Variants in TKFC observed in about 807,000 individuals in gnomAD.
TKFC encodes triokinase and FMN cyclase.
In TKFC, 46 loss-of-function variants were observed where a neutral mutation model predicts 61.0. The ratio of observed to expected loss-of-function variants is 0.75; its 90% CI spans 0.60 to 0.96. The LOEUF is 0.96. Among genes scored for constraint, TKFC ranks in the 50% least tolerant of loss-of-function variants. The pLI is 0.00. For synonymous variants in TKFC, 314 were observed against 330.1 expected (o/e 0.95, Z 0.53); for missense variants, 715 against 777.5 (o/e 0.92, Z 0.96).
chr11:61,341,546 G>A, intron 6 of TKFC, 32 bp downstream of exon 6: 7 of 1,552,086 alleles, frequency 4.5e-6, no homozygotes, highest in Non-Finnish European at 6.1e-6. Flanking sequence ...GGGGAAGAGA[G>A]TGGGGAAGGT....
downstream of TKFC, chr11:61,352,761 T>G (rs1295593666): frequency 1.5e-6 from 2 of 1,378,832 alleles, no homozygotes; most frequent in African/African-American, 2.9e-5. Context: ...TAGTACTGTT[T>G]CTGACACACA....
chr11:61,339,276 G>A lies in TKFC; in HGVS notation c.327G>A (p.Lys109=). Residue 109 remains lysine (K), a synonymous_variant, in exon 5 of 18, where the codon AAG becomes AAA. Transcript: ENST00000394900. ...AGTVGTLLIV[K]NYTGDRLNFG... ...CAGTGGGGACGCTCCTTATCGTGAA[G>A]AACTACACTGGGGATCGGCTCAACT... The A allele has an allele frequency of 6.2e-7, 1 of 1,613,728 alleles. No homozygotes were observed. The highest frequency in any genetic ancestry group is 8.5e-7 in the Non-Finnish European group (1 of 1,179,908).
chr11:61,352,693 ACAATACCAAT>A (rs1003141719), downstream of TKFC: 71 of 772,114 alleles, frequency 9.2e-5, no homozygotes, highest in African/African-American at 1.2e-3. Flanking sequence ...GGCAATGACA[ACAATACCAAT>A]CAATACCAAT....
chr11:61,347,359 T>C lies in TKFC; in HGVS notation c.*856T>C. 1.1e-6 allele frequency: 1 copy of C among 893,846 alleles called. No homozygotes were observed. The highest frequency in any genetic ancestry group is 1.3e-6 in the Non-Finnish European group (1 of 746,610). The allele number at this position is 893,846 out of a possible 1,614,324, so 55.4% of individuals were successfully genotyped here. A position where few individuals can be genotyped will look rare whatever the true frequency, so the allele number is the denominator to read the frequency against. On this transcript the variant is annotated 3_prime_UTR_variant, in exon 18 of 18. Coordinates refer to ENST00000394900, the MANE Select transcript of TKFC (RefSeq NM_015533.4). The stretch of plus-strand genomic sequence containing the variant: ...GAGTTCAAGACCAGTCTGGGCAACA[T>C]GGTAAAACCCTGTCTCTACCAAAAA...
At chr11:61,352,954 A>C (rs1209105043), downstream of TKFC, 3 of 1,613,856 alleles carry the variant, frequency 1.9e-6, no homozygotes, top group Non-Finnish European at 2.5e-6. Context: ...CCTCCTCTTC[A>C]CCTTAGAGTT....
chr11:61,349,281 A>T (rs1857285941), downstream of TKFC: 2 of 445,446 alleles, frequency 4.5e-6, no homozygotes, highest in Non-Finnish European at 8.4e-6. Flanking sequence ...GGGCCAGGTG[A>T]AGCAATGTGG....
Position 61,346,690 on chromosome 11 carries a change from G to C in TKFC, c.*187G>C. 7.1e-7 allele frequency: 1 copy of C among 1,399,878 alleles called. No homozygotes were observed. The highest frequency in any genetic ancestry group is 9.3e-7 in the Non-Finnish European group (1 of 1,079,050). The allele number at this position is 1,399,878 out of a possible 1,614,324, so 86.7% of individuals were successfully genotyped here. A position where few individuals can be genotyped will look rare whatever the true frequency, so the allele number is the denominator to read the frequency against. ...CAGACAGCACCCAGAGTGAGCTGGA[G>C]TGGGTCCCCATGCCTCTCCAGCATG... On this transcript the variant is annotated 3_prime_UTR_variant, in exon 18 of 18. Transcript: ENST00000394900. The surrounding 1 kb of genome is among the most constrained non-coding windows in gnomAD (Gnocchi z 4.1).
In TKFC at chr11:61,342,465, C is replaced by A. The variant is rs1249026439; in HGVS notation, c.660C>A (p.Ile220=). 1.1e-5 allele frequency: 17 copies of A among 1,614,066 alleles called. No homozygotes were observed. In the East Asian group the frequency reaches 3.8e-4, roughly 36 times the overall value. The change falls in exon 8 of 18, where the codon ATC becomes ATA. Residue 220 remains isoleucine, a synonymous_variant. Coordinates refer to ENST00000394900, the MANE Select transcript of TKFC (RefSeq NM_015533.4). ...SADEVELGLG[I]HGEAGVRRIK... is the part of the protein sequence containing the mutation. ...AGTGACCACATCTATCCGCAGGGAT[C>A]CACGGGGAAGCTGGTGTGCGCCGGA...
downstream of TKFC, chr11:61,352,982 C>A (rs201650207): frequency 6.2e-7 from 1 of 1,614,116 alleles, no homozygotes; most frequent in Admixed American, 1.7e-5. Flanking sequence ...CCACTGCACT[C>A]ACAAACTGAA....
rs760074237 is a variant in TKFC, at chr11:61,333,233, C to T, written c.-206C>T. 7.4e-4 allele frequency: 253 copies of T among 341,036 alleles called. 1 individual carries two copies. Among genetic ancestry groups the T allele is most frequent in the Non-Finnish European group, 1.1e-3 (202 of 189,006 alleles). 21.1% of individuals were successfully genotyped at this position (341,036 alleles called of 1,614,324 possible). ...GCACCGCCTCGCCTCTTTCCGCCAG[C>T]GCCCGCAGGACCCGGATGAGAGCGC... On this transcript the variant is annotated 5_prime_UTR_variant, in exon 1 of 18. Coordinates refer to ENST00000394900, the MANE Select transcript of TKFC (RefSeq NM_015533.4).
Position 61,344,118 on chromosome 11 carries a change from A to G in TKFC, c.1103-18A>G, listed in dbSNP as rs1857000604. ...GAAGGGCCTGGTGGGCCTGTTCTTCAGCATCCTCCCTTTCTAGGCTCAGCC... is the reference window on the plus strand; with the variant it reads ...GAAGGGCCTGGTGGGCCTGTTCTTCGGCATCCTCCCTTTCTAGGCTCAGCC... On this transcript the variant is annotated intron_variant, in intron 12 of 17. Coordinates refer to ENST00000394900, the MANE Select transcript of TKFC (RefSeq NM_015533.4). 2 of 1,611,434 alleles carry G rather than the reference A, an allele frequency of 1.2e-6. No individual in the cohort carries two copies. The highest frequency in any genetic ancestry group is 1.3e-5 in the African/African-American group (1 of 75,000).
downstream of TKFC, chr11:61,353,236 C>T (rs566318163): frequency 7.7e-6 from 11 of 1,436,586 alleles, no homozygotes; most frequent in Non-Finnish European, 1.0e-5. Context: ...CTCCCTGGCT[C>T]TTCTTTCACA....
At position 61,341,416 on chromosome 11, in the gene TKFC, T is replaced by C. The variant is rs374034419; in HGVS notation, c.487-20T>C. ...AGTGATACCCTCCCCCCTGGGGCTTTTACCTCTTTGTGGCTGCAGGTGGCA... is the reference window on the plus strand; with the variant it reads ...AGTGATACCCTCCCCCCTGGGGCTTCTACCTCTTTGTGGCTGCAGGTGGCA... On this transcript the variant is annotated intron_variant, in intron 5 of 17. Coordinates refer to ENST00000394900, the MANE Select transcript of TKFC (RefSeq NM_015533.4). The C allele has an allele frequency of 7.4e-5, 115 of 1,551,964 alleles. No homozygotes were observed. The highest frequency in any genetic ancestry group is 2.0e-5 in the Admixed American group (1 of 51,012).
In TKFC at chr11:61,334,667, G is replaced by A; in HGVS notation, c.-62G>A. On this transcript the variant is annotated 5_prime_UTR_variant, in exon 2 of 18. Transcript: ENST00000394900. Reference sequence around the variant, plus strand: ...ACTCAGACCCAGGTAGCACAGGATTGTCCATCCTCCAGCAGCTCAGTGCAA... The same window carrying A: ...ACTCAGACCCAGGTAGCACAGGATTATCCATCCTCCAGCAGCTCAGTGCAA... The A allele has an allele frequency of 6.2e-7, 1 of 1,612,842 alleles. No individual in the cohort carries two copies. Among genetic ancestry groups the A allele is most frequent in the South Asian group, 1.1e-5 (1 of 90,826 alleles).
chr11:61,347,378 C>T lies in TKFC; in HGVS notation c.*875C>T, dbSNP rs74808998. 2 of 877,856 alleles carry T rather than the reference C, an allele frequency of 2.3e-6. No individual in the cohort carries two copies. Among genetic ancestry groups the T allele is most frequent in the Non-Finnish European group, 2.7e-6 (2 of 732,380 alleles). The allele number at this position is 877,856 out of a possible 1,614,324, so 54.4% of individuals were successfully genotyped here. A position where few individuals can be genotyped will look rare whatever the true frequency, so the allele number is the denominator to read the frequency against. On this transcript the variant is annotated 3_prime_UTR_variant, in exon 18 of 18. Transcript: ENST00000394900. ...GCAACATGGTAAAACCCTGTCTCTA[C>T]CAAAAAATACAAAATTAGCCAGGCA... is the stretch of plus-strand genomic sequence containing the variant.
At chr11:61,351,407 A>G (rs577120661), downstream of TKFC, 257 of 256,432 alleles carry the variant, frequency 1.0e-3, no homozygotes, top group Non-Finnish European at 1.6e-3. Flanking sequence ...CTCCTGCCTC[A>G]GCCTCCCAAG....
At chr11:61,336,768 G>A (rs1257912243) in intron 2 of TKFC, among the ~76,000 whole-genome samples, 2 of 152,102 alleles carry the variant, frequency 1.3e-5, no homozygotes, top group Non-Finnish European at 2.9e-5. Context: ...GCCAAGCCTG[G>A]CGGCACTGCT....
downstream of TKFC, chr11:61,350,601 A>G: frequency 1.4e-6 from 1 of 727,244 alleles, no homozygotes. Context: ...CATCCCATCA[A>G]GACCTGCTCT....
chr11:61,342,744 T>A lies in TKFC; in HGVS notation c.776-11T>A. On this transcript the variant is annotated splice_polypyrimidine_tract_variant and intron_variant, in intron 9 of 17. Transcript: ENST00000394900. The stretch of plus-strand genomic sequence containing the variant: ...AGAGGGTCTCACCTGGGGTGTCATG[T>A]CTACCCGCAGGCTCCTCAGTTGTGA... 1 of 1,614,044 alleles carries A rather than the reference T, an allele frequency of 6.2e-7. No homozygotes were observed.
Sources: allele counts gnomAD v4.1 joint callset (sites outside exome capture counted in the v4.1 genomes callset), GRCh38; gene constraint gnomAD v4.1.1; non-coding constraint Gnocchi (gnomAD v3.1); transcripts MANE v1.5; gene names NCBI Gene and HGNC (gene_info 2026-07-23, HGNC 2026-07-21).